Variants in DYM observed in about 807,000 individuals in gnomAD.
DYM encodes dymeclin.
DYM carries 78 observed loss-of-function variants against 93.1 expected under a neutral mutation model. The ratio of observed to expected loss-of-function variants is 0.84; its 90% CI spans 0.70 to 1.01. DYM has a LOEUF of 1.01. Ranked by LOEUF, DYM falls within the 50% of genes least tolerant of loss-of-function variation. DYM has a pLI of 0.00. For synonymous variants in DYM, 321 were observed against 319.7 expected (o/e 1.00, Z -0.04); for missense variants, 789 against 845.0 (o/e 0.93, Z 0.82).
intron 16 of DYM, among the ~76,000 whole-genome samples, chr18:49,118,227 G>A (rs1270955172): frequency 6.6e-6 from 1 of 151,918 alleles, no homozygotes; most frequent in Non-Finnish European, 1.5e-5. Context: ...AACCTGTGTT[G>A]AATCTTGAAA....
intron 2 of DYM, among the ~76,000 whole-genome samples, chr18:49,399,723 G>A (rs1390126970): frequency 6.6e-6 from 1 of 151,862 alleles, no homozygotes; most frequent in African/African-American, 2.4e-5. Context: ...TAGATTGTGG[G>A]CTCCTTGTTC....
intron 12 of DYM, 95 bp downstream of exon 12, chr18:49,258,285 G>A (rs146753284): frequency 2.0e-5 from 17 of 832,916 alleles, no homozygotes; most frequent in African/African-American, 6.7e-5. Context: ...CATATGTCAC[G>A]AGAATTTTAG....
At chr18:49,351,392 A>AT (rs57044875) in intron 6 of DYM, among the ~76,000 whole-genome samples, 88,687 of 151,798 alleles carry the variant, frequency 0.58, 26,548 homozygotes, top group Non-Finnish European at 0.66. Flanking sequence ...ACAAATAAAA[A>AT]TACATTTAAA....
chr18:49,048,626 T>A lies in DYM; in HGVS notation c.2026-4422A>T, dbSNP rs1443017117. Among the ~76,000 whole-genome samples the A allele has an allele frequency of 4.6e-5, 7 of 151,824 alleles. No individual in the cohort carries two copies. In the South Asian group the frequency reaches 1.5e-3, roughly 32 times the overall value. ...AAACTGTAAACTGCTCTCAGAAGAA[T>A]TCCTTCCAGCTGAATTACAGAAACT... On this transcript the variant is annotated intron_variant, in intron 17 of 17. Coordinates refer to ENST00000675505, the MANE Select transcript of DYM (RefSeq NM_001353214.3).
chr18:49,221,327 C>A (rs1032561192), intron 13 of DYM, among the ~76,000 whole-genome samples: 11 of 152,010 alleles, frequency 7.2e-5, no homozygotes, highest in African/African-American at 1.5e-4. Context: ...ACTAGTTCAA[C>A]CATTGTGGAA....
chr18:49,054,097 G>T, intron 17 of DYM, among the ~76,000 whole-genome samples: 1 of 152,126 alleles, frequency 6.6e-6, no homozygotes, highest in East Asian at 1.9e-4. Flanking sequence ...TGAAGTGCAG[G>T]CTCTTCCAAG....
intron 13 of DYM, among the ~76,000 whole-genome samples, chr18:49,251,421 G>T (rs964947409): frequency 5.9e-5 from 9 of 152,172 alleles, no homozygotes; most frequent in African/African-American, 2.2e-4. Context: ...AGGGAGAAAA[G>T]TTACAGAACT....
intron 14 of DYM, among the ~76,000 whole-genome samples, chr18:49,197,129 G>A (rs1600541275): frequency 6.6e-6 from 1 of 152,174 alleles, no homozygotes. Flanking sequence ...GATGGGACAT[G>A]TGAGGTATGA....
At chr18:49,454,204 G>T (rs1303823675) in intron 1 of DYM, among the ~76,000 whole-genome samples, 3 of 152,120 alleles carry the variant, frequency 2.0e-5, no homozygotes, top group Non-Finnish European at 4.4e-5. Context: ...AGCAGTTAGG[G>T]TTGCCACTCC....
intron 3 of DYM, 105 bp downstream of exon 3, chr18:49,391,488 G>C (rs1875522183): frequency 8.7e-7 from 1 of 1,143,558 alleles, no homozygotes; most frequent in Non-Finnish European, 1.3e-6. Flanking sequence ...TATTACTATT[G>C]CTATCAAAGA....
At chr18:49,165,818 C>T (rs1282071648) in intron 14 of DYM, among the ~76,000 whole-genome samples, 1 of 152,078 alleles carries the variant, frequency 6.6e-6, no homozygotes, top group Non-Finnish European at 1.5e-5. Context: ...AAATGAAATA[C>T]TCCAGTGAAG....
Position 49,233,695 on chromosome 18 carries a change from A to AT in DYM, c.1460+23314dup, listed in dbSNP as rs1052163285. On this transcript the variant is annotated intron_variant, in intron 13 of 17. Coordinates refer to ENST00000675505, the MANE Select transcript of DYM (RefSeq NM_001353214.3). The stretch of plus-strand genomic sequence containing the variant: ...TTCTCCCTTTCTTCTACACTAACAG[A>AT]TTTTTTTTAGTAGAGCACATGGCTG... 3.9e-4 allele frequency among the ~76,000 whole-genome samples: 59 copies of AT among 151,974 alleles called. 1 individual carries two copies. The highest frequency in any genetic ancestry group is 1.7e-3 in the South Asian group (8 of 4,826).
intron 13 of DYM, among the ~76,000 whole-genome samples, chr18:49,221,919 T>TA (rs906774260): frequency 2.0e-4 from 30 of 150,626 alleles, no homozygotes; most frequent in Admixed American, 1.5e-3. Flanking sequence ...TAATAAAATT[T>TA]AAAAAAAAAT....
intron 2 of DYM, among the ~76,000 whole-genome samples, chr18:49,395,415 A>G (rs976068061): frequency 1.3e-5 from 2 of 152,208 alleles, no homozygotes; most frequent in African/African-American, 2.4e-5. Context: ...GGATCACCTG[A>G]CGTTGGGAGT....
At chr18:49,103,192 C>T (rs28845602) in intron 16 of DYM, among the ~76,000 whole-genome samples, 4 of 152,124 alleles carry the variant, frequency 2.6e-5, no homozygotes, top group African/African-American at 9.7e-5. Flanking sequence ...TTTCATGTGT[C>T]TTTTGGCTGC....
chr18:49,419,745 T>C (rs1039594596), intron 2 of DYM, among the ~76,000 whole-genome samples: 18 of 152,266 alleles, frequency 1.2e-4, no homozygotes, highest in African/African-American at 4.3e-4. Context: ...ATTTTTACAA[T>C]AGTCTCCTTA....
In DYM at chr18:49,331,979, C is replaced by G. The variant is rs770426229; in HGVS notation, c.648G>C (p.Lys216Asn). The G allele has an allele frequency of 6.2e-7, 1 of 1,613,880 alleles. No homozygotes were observed. Among genetic ancestry groups the G allele is most frequent in the Non-Finnish European group, 8.5e-7 (1 of 1,179,938 alleles). The change falls in exon 8 of 18, where the codon AAG becomes AAC. Residue 216 changes from lysine to asparagine, a missense_variant. Around this residue, in one of 3 missense-constraint regions of DYM, gnomAD observed 450 missense variants for 436.2 expected, o/e 1.03. Coordinates refer to ENST00000675505, the MANE Select transcript of DYM (RefSeq NM_001353214.3). ...GTCTGATAAAGTTATATAATAAGGT[C>G]TTCACAAGTTTGCTGGTGTATGGAA... is the stretch of plus-strand genomic sequence containing the variant. The part of the protein sequence containing the change: ...PCLPYTSKLV[K>N]TLLYNFIRQE...
At chr18:49,294,703 A>G (rs2060410538) in intron 8 of DYM, among the ~76,000 whole-genome samples, 1 of 152,170 alleles carries the variant, frequency 6.6e-6, no homozygotes, top group Admixed American at 6.5e-5. Context: ...CTGCTTTTTC[A>G]TATTAAACAT....
intron 17 of DYM, among the ~76,000 whole-genome samples, chr18:49,053,738 CCTCA>C (rs1452936931): frequency 1.3e-5 from 2 of 152,162 alleles, no homozygotes; most frequent in African/African-American, 4.8e-5. Context: ...GATTACGTAG[CCTCA>C]CTATCATTCC....
Sources: gnomAD v4.1 joint callset for allele counts (sites outside exome capture counted in the v4.1 genomes callset) on GRCh38, gnomAD v4.1.1 for gene constraint, gnomAD v4.1.1 regional missense constraint, MANE v1.5 for transcripts, NCBI Gene and HGNC (gene_info 2026-07-23, HGNC 2026-07-21) for gene names.